EYS: variants seen among roughly 807,000 people sequenced by gnomAD.
The protein encoded by EYS is EGF-like photoreceptor maintenance factor.
In EYS, 250 loss-of-function variants were observed where a neutral mutation model predicts 282.1. The ratio of observed to expected loss-of-function variants is 0.89; its 90% confidence interval spans 0.80 to 0.98. EYS has a LOEUF of 0.98. Among genes scored for constraint, EYS ranks in the 50% least tolerant of loss-of-function variants. EYS has a pLI of 0.00. For synonymous variants in EYS, 1,355 were observed against 1,282.9 expected (o/e 1.06, Z -1.20); for missense variants, 4,016 against 3,709.0 (o/e 1.08, Z -2.15).
intron 29 of EYS, among the ~76,000 whole-genome samples, chr6:64,368,750 G>A (rs1772258708): frequency 6.6e-6 from 1 of 151,888 alleles, no homozygotes; most frequent in Admixed American, 6.6e-5. Context: ...ATTTTTAAAT[G>A]GGGTTGTTTT....
At chr6:65,121,325 A>C (rs529675952) in intron 12 of EYS, among the ~76,000 whole-genome samples, 57 of 152,174 alleles carry the variant, frequency 3.7e-4, no homozygotes, top group Non-Finnish European at 2.2e-4. Context: ...AAAGGAGACA[A>C]AGGAAGAGAA....
intron 8 of EYS, 69 bp downstream of exon 8, chr6:65,384,317 A>G (rs947873128): frequency 2.1e-5 from 17 of 827,954 alleles, no homozygotes; most frequent in East Asian, 1.3e-4. Context: ...GAGCATTTGA[A>G]ATATAGACTA....
At chr6:64,945,708 A>C (rs369123338) in intron 15 of EYS, 85 bp downstream of exon 15, 9 of 1,212,584 alleles carry the variant, frequency 7.4e-6, no homozygotes. Context: ...AATGTATCTA[A>C]AGTGAAAATA....
At chr6:64,761,950 T>A (rs1773174780) in intron 22 of EYS, among the ~76,000 whole-genome samples, 1 of 152,162 alleles carries the variant, frequency 6.6e-6, no homozygotes, top group Non-Finnish European at 1.5e-5. Flanking sequence ...TTCAATTCGA[T>A]AGGAGAAAAT....
At chr6:63,833,479 A>G (rs993441990) in intron 36 of EYS, among the ~76,000 whole-genome samples, 1 of 152,186 alleles carries the variant, frequency 6.6e-6, no homozygotes, top group African/African-American at 2.4e-5. Flanking sequence ...AGAAAATAAA[A>G]TACCTAGGAA....
At chr6:65,085,487 G>T (rs577407249) in intron 12 of EYS, among the ~76,000 whole-genome samples, 1 of 152,258 alleles carries the variant, frequency 6.6e-6, no homozygotes, top group South Asian at 2.1e-4. Flanking sequence ...GCCAGAACAA[G>T]ATTTATCACT....
At chr6:63,855,926 T>A (rs1355574219) in intron 36 of EYS, among the ~76,000 whole-genome samples, 2 of 151,110 alleles carry the variant, frequency 1.3e-5, no homozygotes, top group African/African-American at 2.4e-5. Flanking sequence ...TGTCACTGAA[T>A]ATAAACAAAA....
At position 64,208,088 on chromosome 6, in the gene EYS, A is replaced by G. The variant is rs565875258; in HGVS notation, c.6424+22504T>C. On this transcript the variant is annotated intron_variant, in intron 31 of 42. Coordinates refer to ENST00000503581, the MANE Select transcript of EYS (RefSeq NM_001142800.2). The stretch of plus-strand genomic sequence containing the variant: ...GAGTGCTATGGGGTAAAGACCCATT[A>G]TTAAAATAATTTATTCTCACCTAGC... Among the ~76,000 whole-genome samples, 34 of 152,362 alleles carry G rather than the reference A, an allele frequency of 2.2e-4. No homozygotes were observed. The East Asian group carries it at 6.2e-3, about 28-fold the overall frequency.
chr6:64,414,866 A>G (rs868235405), intron 28 of EYS, among the ~76,000 whole-genome samples: 33 of 152,188 alleles, frequency 2.2e-4, no homozygotes, highest in South Asian at 8.3e-4. Context: ...AATTTTGGAA[A>G]TGAATACATA....
intron 32 of EYS, among the ~76,000 whole-genome samples, chr6:64,074,436 A>G (rs1771695222): frequency 6.6e-6 from 1 of 151,440 alleles, no homozygotes; most frequent in African/African-American, 2.4e-5. Context: ...TATTAGTTTA[A>G]TTGTAGATCT....
At chr6:65,166,242 T>C (rs547980781) in intron 12 of EYS, among the ~76,000 whole-genome samples, 18 of 151,192 alleles carry the variant, frequency 1.2e-4, no homozygotes, top group Non-Finnish European at 5.9e-5. Flanking sequence ...GATTTGAAAA[T>C]GTTTGCAGCT....
intron 12 of EYS, among the ~76,000 whole-genome samples, chr6:65,213,551 ATT>A (rs1165160920): frequency 6.6e-6 from 1 of 151,984 alleles, no homozygotes; most frequent in Non-Finnish European, 1.5e-5. Flanking sequence ...TTTCATTATT[ATT>A]TTATCTGTTA....
At chr6:65,327,024 CT>C (rs1769640919) in intron 11 of EYS, among the ~76,000 whole-genome samples, 1 of 151,518 alleles carries the variant, frequency 6.6e-6, no homozygotes, top group Admixed American at 6.6e-5. Flanking sequence ...TTTATACTTC[CT>C]CATTTTTTGA....
intron 26 of EYS, among the ~76,000 whole-genome samples, chr6:64,519,890 T>C (rs1777677691): frequency 6.6e-6 from 1 of 151,786 alleles, no homozygotes; most frequent in Non-Finnish European, 1.5e-5. Context: ...GGTGGATAAA[T>C]GTCTAACTCA....
chr6:64,061,082 C>T (rs1328482701), intron 33 of EYS, among the ~76,000 whole-genome samples: 1 of 152,134 alleles, frequency 6.6e-6, no homozygotes, highest in African/African-American at 2.4e-5. Flanking sequence ...TAACTTTATA[C>T]CTCTGGATAA....
intron 14 of EYS, among the ~76,000 whole-genome samples, chr6:64,966,341 T>A (rs576355509): frequency 3.0e-4 from 45 of 152,312 alleles, no homozygotes; most frequent in African/African-American, 9.6e-4. Context: ...GGGGGGGTAT[T>A]GTTTAACTTG....
intron 22 of EYS, among the ~76,000 whole-genome samples, chr6:64,666,444 C>T (rs563600605): frequency 2.6e-5 from 4 of 152,164 alleles, no homozygotes; most frequent in Non-Finnish European, 4.4e-5. Flanking sequence ...AAATCAATCT[C>T]TCCTTGAAGT....
intron 1 of EYS, among the ~76,000 whole-genome samples, chr6:65,676,180 A>C (rs1768580795): frequency 6.6e-6 from 1 of 151,838 alleles, no homozygotes; most frequent in East Asian, 1.9e-4. Context: ...AAACTAGAAA[A>C]AGAAGAACAA....
intron 26 of EYS, among the ~76,000 whole-genome samples, chr6:64,565,323 T>C (rs1393048530): frequency 6.6e-6 from 1 of 152,186 alleles, no homozygotes; most frequent in East Asian, 1.9e-4. Flanking sequence ...CAGTTTCAGA[T>C]CTTACATTTA....
Sources: gnomAD v4.1 joint callset for allele counts (sites outside exome capture counted in the v4.1 genomes callset) on GRCh38, gnomAD v4.1.1 for gene constraint, MANE v1.5 for transcripts, NCBI Gene and HGNC (gene_info 2026-07-23, HGNC 2026-07-21) for gene names.